Variants in CCSER1 observed in about 807,000 individuals in gnomAD.
CCSER1 encodes the protein coiled-coil serine rich protein 1.
CCSER1 carries 41 observed loss-of-function variants against 82.0 expected under a neutral mutation model. The observed-to-expected ratio is 0.50, with a 90% CI of 0.39 to 0.65. CCSER1 has a LOEUF of 0.65. Among genes scored for constraint, CCSER1 ranks in the 30% least tolerant of loss-of-function variants. CCSER1 has a pLI of 0.00. For synonymous variants in CCSER1, 414 were observed against 383.9 expected, an observed-to-expected ratio of 1.08 and a Z score of -0.92; for missense variants, 1,119 against 1,064.2, an observed-to-expected ratio of 1.05 and a Z score of -0.72.
At chr4:90,811,659 C>A (rs1442737418) in intron 7 of CCSER1, among the ~76,000 whole-genome samples, 2 of 152,156 alleles carry the variant, frequency 1.3e-5, no homozygotes, top group African/African-American at 4.8e-5. Flanking sequence ...TATATGATGG[C>A]TTCCTGATTA....
intron 3 of CCSER1, among the ~76,000 whole-genome samples, chr4:90,396,754 C>T (rs1243203566): frequency 1.3e-5 from 2 of 151,892 alleles, no homozygotes; most frequent in South Asian, 2.1e-4. Flanking sequence ...TTTGTTTTCT[C>T]GGCAACAAAA....
intron 1 of CCSER1, among the ~76,000 whole-genome samples, chr4:90,197,860 A>T (rs1184111274): frequency 6.6e-6 from 1 of 152,092 alleles, no homozygotes; most frequent in African/African-American, 2.4e-5. Flanking sequence ...AAGCCATACT[A>T]TTGACTATAG....
At chr4:90,787,186 A>T (rs989670689) in intron 7 of CCSER1, among the ~76,000 whole-genome samples, 4 of 152,188 alleles carry the variant, frequency 2.6e-5, no homozygotes, top group African/African-American at 7.2e-5. Context: ...TCCTTCCTCC[A>T]GGATATGAGG....
chr4:90,634,355 C>A (rs1162582658), intron 6 of CCSER1, among the ~76,000 whole-genome samples: 4 of 151,682 alleles, frequency 2.6e-5, no homozygotes, highest in Admixed American at 1.3e-4. Context: ...CTTTTCTCTA[C>A]TACCTAATAG....
At chr4:90,511,714 A>T (rs1342058448) in intron 5 of CCSER1, among the ~76,000 whole-genome samples, 1 of 152,224 alleles carries the variant, frequency 6.6e-6, no homozygotes, top group Non-Finnish European at 1.5e-5. Context: ...AAAGCAGAGT[A>T]TGTGCTTCAA....
intron 9 of CCSER1, among the ~76,000 whole-genome samples, chr4:91,008,951 G>A (rs548507275): frequency 1.5e-4 from 23 of 152,346 alleles, no homozygotes; most frequent in South Asian, 1.0e-3. Context: ...GGGGAACCCA[G>A]TGACTAGTGT....
chr4:90,655,759 A>G (rs1448242838), intron 6 of CCSER1, among the ~76,000 whole-genome samples: 1 of 152,044 alleles, frequency 6.6e-6, no homozygotes, highest in East Asian at 1.9e-4. Flanking sequence ...GCATTTACTC[A>G]GAATTTAAAT....
At chr4:90,824,963 A>C (rs1193705702) in intron 8 of CCSER1, among the ~76,000 whole-genome samples, 1 of 152,172 alleles carries the variant, frequency 6.6e-6, no homozygotes, top group Non-Finnish European at 1.5e-5. Context: ...TCTGTAAGAC[A>C]GATGTAGAGT....
intron 10 of CCSER1, among the ~76,000 whole-genome samples, chr4:91,408,166 G>C (rs1453517816): frequency 6.6e-6 from 1 of 152,154 alleles, no homozygotes; most frequent in Non-Finnish European, 1.5e-5. Context: ...AAAATCAGAT[G>C]ATGACATCAA....
At chr4:91,373,052 A>C (rs527479255) in intron 10 of CCSER1, among the ~76,000 whole-genome samples, 1 of 152,158 alleles carries the variant, frequency 6.6e-6, no homozygotes, top group African/African-American at 2.4e-5. Context: ...TTTGACCTGC[A>C]GGCAGAAACA....
intron 6 of CCSER1, among the ~76,000 whole-genome samples, chr4:90,636,452 T>G (rs1196693292): frequency 6.6e-6 from 1 of 152,096 alleles, no homozygotes; most frequent in African/African-American, 2.4e-5. Context: ...CAGAATTTTT[T>G]TATAAATATA....
intron 7 of CCSER1, among the ~76,000 whole-genome samples, chr4:90,790,910 TAATAGCAGCACC>T (rs1484562716): frequency 6.6e-6 from 1 of 152,156 alleles, no homozygotes; most frequent in Non-Finnish European, 1.5e-5. Context: ...TCAGGTATCT[TAATAGCAGCACC>T]CCACTCTCTG....
intron 7 of CCSER1, among the ~76,000 whole-genome samples, chr4:90,749,942 C>A (rs969529047): frequency 6.6e-6 from 1 of 152,032 alleles, no homozygotes; most frequent in African/African-American, 2.4e-5. Flanking sequence ...TCGACATCCT[C>A]TCCAGCACCT....
At chr4:91,404,503 G>C (rs1375018344) in intron 10 of CCSER1, among the ~76,000 whole-genome samples, 1 of 152,094 alleles carries the variant, frequency 6.6e-6, no homozygotes, top group Non-Finnish European at 1.5e-5. Flanking sequence ...GTCAATTTTA[G>C]ATCTTTCCTG....
Position 90,128,301 on chromosome 4 carries a change from G to C in CCSER1, c.-42+470G>C, listed in dbSNP as rs367958356. The stretch of plus-strand genomic sequence containing the variant: ...CGGCGAAGAGGGGGAAGGGGAGGAG[G>C]GGGCGGGGAGCCAGGGGCTCCCGGA... On this transcript the variant is annotated intron_variant, in intron 1 of 10. Transcript: ENST00000509176. Among the ~76,000 whole-genome samples, 3 of 152,136 alleles carry C rather than the reference G, an allele frequency of 2.0e-5. No homozygotes were observed. In the East Asian group the frequency reaches 5.9e-4, roughly 30 times the overall value.
rs373854839 is a variant in CCSER1 at position 90,796,389 on chromosome 4, A to T, written c.2011-19373A>T. On this transcript the variant is annotated intron_variant, in intron 7 of 10. Coordinates refer to ENST00000509176, the MANE Select transcript of CCSER1 (RefSeq NM_001145065.2). ...TATTATCTCTTTTCTTCATTAGTGT[A>T]GCTAGTGGTATATCTATTGTACTAA... Among the ~76,000 whole-genome samples the T allele has an allele frequency of 2.8e-5, 4 of 142,128 alleles. No individual in the cohort carries two copies. The East Asian group carries it at 6.1e-4, about 22-fold the overall frequency. 93.2% of individuals were successfully genotyped at this position (142,128 alleles called of 152,430 possible).
In CCSER1 at chr4:90,443,074, G is replaced by A. The variant is rs75407694; in HGVS notation, c.1604-25160G>A. On this transcript the variant is annotated intron_variant, in intron 4 of 10. Transcript: ENST00000509176. ...TCTATGATAATGTTTAACTTAATTA[G>A]GCACAGTAAGAGATTAACAACAACA... Among the ~76,000 whole-genome samples the A allele has an allele frequency of 9.2e-5, 14 of 152,122 alleles. No individual in the cohort carries two copies. In the East Asian group the frequency reaches 2.7e-3, roughly 29 times the overall value.
chr4:91,114,337 C>T (rs1010509440), intron 10 of CCSER1, among the ~76,000 whole-genome samples: 1 of 151,986 alleles, frequency 6.6e-6, no homozygotes, highest in Non-Finnish European at 1.5e-5. Flanking sequence ...TCTATAGATA[C>T]CAATTATGTT....
intron 6 of CCSER1, among the ~76,000 whole-genome samples, chr4:90,705,194 C>G (rs576392517): frequency 6.6e-6 from 1 of 152,316 alleles, no homozygotes; most frequent in South Asian, 2.1e-4. Flanking sequence ...TTCTAACAGT[C>G]AGGACCCTCA....
Sources: gnomAD v4.1 joint callset for allele counts (sites outside exome capture counted in the v4.1 genomes callset) on GRCh38, gnomAD v4.1.1 for gene constraint, MANE v1.5 for transcripts, NCBI Gene and HGNC (gene_info 2026-07-23, HGNC 2026-07-21) for gene names.